PCDHA8: variants seen among roughly 807,000 people sequenced by gnomAD.
PCDHA8 encodes the protein protocadherin alpha 8.
In PCDHA8, 53 loss-of-function variants were observed where a neutral mutation model predicts 61.8. That is an observed-to-expected ratio of 0.86 (90% CI 0.69 to 1.08). The LOEUF (loss-of-function observed/expected upper bound fraction) is 1.08, where lower values mean the gene tolerates loss of function less well. Ranked by LOEUF, PCDHA8 falls within the 50% of genes least tolerant of loss-of-function variation. The pLI, the probability that PCDHA8 is intolerant of heterozygous loss-of-function variation, is 0.00. For missense variants in PCDHA8, 1,293 were observed against 1,245.0 expected, an observed-to-expected ratio of 1.04 and a Z score of -0.58; for synonymous variants, 618 against 556.6, an observed-to-expected ratio of 1.11 and a Z score of -1.55.
chr5:140,898,148 A>C lies in PCDHA8; in HGVS notation c.2394+54433A>C, dbSNP rs532668918. On this transcript the variant is annotated intron_variant, in intron 1 of 3. Coordinates refer to ENST00000531613, the MANE Select transcript of PCDHA8 (RefSeq NM_018911.3). ...CTCCCATTTTGTAGGTTGCCTGTTC[A>C]CGCTGATGGTGGTTTCTTTTGCTGT... Among the ~76,000 whole-genome samples, 1,044 of 152,230 alleles carry C rather than the reference A, an allele frequency of 6.9e-3. 8 individuals are homozygous for C. The highest frequency in any genetic ancestry group is 0.024 in the African/African-American group (1,010 of 41,492).
At chr5:140,975,352 T>G (rs2096663445) in intron 1 of PCDHA8, among the ~76,000 whole-genome samples, 1 of 152,256 alleles carries the variant, frequency 6.6e-6, no homozygotes, top group African/African-American at 2.4e-5. Flanking sequence ...TAAAGCCAAC[T>G]GTGCTACATA....
At chr5:140,985,832 C>T (rs760290757) in intron 3 of PCDHA8, among the ~76,000 whole-genome samples, 4 of 151,378 alleles carry the variant, frequency 2.6e-5, no homozygotes, top group African/African-American at 4.9e-5. Flanking sequence ...CTCTGCCTCC[C>T]GGGTTCATGC....
chr5:140,961,278 C>T (rs1205288915), intron 1 of PCDHA8, among the ~76,000 whole-genome samples: 1 of 152,192 alleles, frequency 6.6e-6, no homozygotes, highest in Non-Finnish European at 1.5e-5. Context: ...TTTACCATGG[C>T]TCTGTTTCTT....
chr5:140,955,696 A>G (rs373393526), intron 1 of PCDHA8, among the ~76,000 whole-genome samples: 6 of 152,184 alleles, frequency 3.9e-5, no homozygotes, highest in East Asian at 1.9e-4. Flanking sequence ...GATGAATGTC[A>G]ATGGAAGTTT....
Position 140,841,423 on chromosome 5 carries a change from C to T in PCDHA8, c.102C>T (p.Ser34=), listed in dbSNP as rs139433967. ...TGGGGAGCGGCCAGCTCCACTACTCCGTCCCCGAGGAGGCCAAACACGGCA... is the reference window on the plus strand; with the variant it reads ...TGGGGAGCGGCCAGCTCCACTACTCTGTCCCCGAGGAGGCCAAACACGGCA... ...WKVGSGQLHY[S]VPEEAKHGTF... Residue 34 remains serine (S), a synonymous_variant, in exon 1 of 4, where the codon TCC becomes TCT. Coordinates refer to ENST00000531613, the MANE Select transcript of PCDHA8 (RefSeq NM_018911.3). 4.9e-4 allele frequency: 796 copies of T among 1,610,400 alleles called. 13 individuals carry two copies. The African/African-American group carries it at 8.8e-3, about 18-fold the overall frequency.
chr5:140,857,805 C>T lies in PCDHA8; in HGVS notation c.2394+14090C>T, dbSNP rs1311256758. On this transcript the variant is annotated intron_variant, in intron 1 of 3. Coordinates refer to ENST00000531613, the MANE Select transcript of PCDHA8 (RefSeq NM_018911.3). ...GAGCTGGTGCTGCGGTCGGTGGTTG[C>T]GGGTCACGTGGTGGCTAAGGTGCGC... The T allele has an allele frequency of 2.9e-5, 47 of 1,597,594 alleles. 7 individuals are homozygous for T. The highest frequency in any genetic ancestry group is 5.1e-5 in the Admixed American group (3 of 59,234).
At position 140,924,894 on chromosome 5, in the gene PCDHA8, CA is replaced by C. The variant is rs782133089; in HGVS notation, c.2395-54044del. 4.9e-4 allele frequency among the ~76,000 whole-genome samples: 35 copies of C among 71,496 alleles called. 1 individual carries two copies. Among genetic ancestry groups the C allele is most frequent in the Admixed American group, 2.6e-3 (18 of 6,864 alleles). The allele number at this position is 71,496 out of a possible 152,430, so 46.9% of individuals were successfully genotyped here. On this transcript the variant is annotated intron_variant, in intron 1 of 3. Coordinates refer to ENST00000531613, the MANE Select transcript of PCDHA8 (RefSeq NM_018911.3). Reference sequence around the variant, plus strand: ...TGGGTGACAGAGCAAGAACCTGTCTCAAAAAAAAAAATAAAATAAAATAAAA... The same window carrying C: ...TGGGTGACAGAGCAAGAACCTGTCTCAAAAAAAAAATAAAATAAAATAAAA...
chr5:140,951,149 T>C (rs911841540), intron 1 of PCDHA8, among the ~76,000 whole-genome samples: 8 of 100,620 alleles, frequency 8.0e-5, no homozygotes, highest in African/African-American at 3.8e-4. Context: ...TCTTATTGAA[T>C]ATAGTTATAG....
chr5:140,880,063 G>A (rs750549371), intron 1 of PCDHA8, among the ~76,000 whole-genome samples: 2 of 151,982 alleles, frequency 1.3e-5, no homozygotes, highest in Non-Finnish European at 2.9e-5. Flanking sequence ...AACTTTTTGG[G>A]GACCACAATT....
At chr5:140,904,091 C>A (rs536225769) in intron 1 of PCDHA8, among the ~76,000 whole-genome samples, 16 of 152,082 alleles carry the variant, frequency 1.1e-4, no homozygotes, top group Non-Finnish European at 1.8e-4. Flanking sequence ...ACATGAATAA[C>A]TACTTTAGTG....
At chr5:140,925,812 A>G (rs2082739434) in intron 1 of PCDHA8, among the ~76,000 whole-genome samples, 1 of 151,890 alleles carries the variant, frequency 6.6e-6, no homozygotes. Flanking sequence ...TCCACTTCTC[A>G]CGTCTTCTTT....
chr5:140,891,009 A>G (rs2062900955), intron 1 of PCDHA8, among the ~76,000 whole-genome samples: 1 of 151,934 alleles, frequency 6.6e-6, no homozygotes, highest in South Asian at 2.1e-4. Flanking sequence ...ATTGAAAAGC[A>G]TTTTTTCTGA....
intron 1 of PCDHA8, among the ~76,000 whole-genome samples, chr5:140,970,662 C>T (rs575204326): frequency 6.6e-6 from 1 of 152,268 alleles, no homozygotes; most frequent in South Asian, 2.1e-4. Flanking sequence ...TGTTATCTTT[C>T]CAAATAACTA....
At chr5:140,870,660 G>A (rs782219391) in intron 1 of PCDHA8, 3 of 1,612,516 alleles carry the variant, frequency 1.9e-6, no homozygotes, top group Non-Finnish European at 2.5e-6. Context: ...TGTACGCGCT[G>A]CAGCCGTTGG....
chr5:140,857,873 G>C, intron 1 of PCDHA8: 1 of 1,597,876 alleles, frequency 6.3e-7, no homozygotes, highest in Non-Finnish European at 8.6e-7. Flanking sequence ...GCTGTCGTAT[G>C]AATTGCAGTC....
At chr5:140,858,612 A>G (rs1554151880) in intron 1 of PCDHA8, 2 of 1,223,056 alleles carry the variant, frequency 1.6e-6, no homozygotes, top group Admixed American at 2.7e-5. Flanking sequence ...AAATTTTTTT[A>G]TCCTACCCAG....
At chr5:140,985,729 T>C (rs1314785007) in intron 3 of PCDHA8, among the ~76,000 whole-genome samples, 2 of 149,858 alleles carry the variant, frequency 1.3e-5, no homozygotes, top group Non-Finnish European at 3.0e-5. Flanking sequence ...TTTCCTTCAC[T>C]GATGAATTCC....
chr5:140,891,344 T>C (rs952306829), intron 1 of PCDHA8, among the ~76,000 whole-genome samples: 2 of 152,166 alleles, frequency 1.3e-5, no homozygotes, highest in East Asian at 1.9e-4. Flanking sequence ...GAGATTTTGG[T>C]GCATCCATCA....
At chr5:140,885,543 G>A (rs1554182177) in intron 1 of PCDHA8, among the ~76,000 whole-genome samples, 2 of 152,092 alleles carry the variant, frequency 1.3e-5, no homozygotes, top group Non-Finnish European at 2.9e-5. Flanking sequence ...CAAAATATTG[G>A]TGTTATTTCT....
Sources: gnomAD v4.1 joint callset for allele counts (sites outside exome capture counted in the v4.1 genomes callset) on GRCh38, gnomAD v4.1.1 for gene constraint, MANE v1.5 for transcripts, NCBI Gene and HGNC (gene_info 2026-07-23, HGNC 2026-07-21) for gene names.